Variants in ACSM3 observed in about 807,000 individuals in gnomAD.
The protein encoded by ACSM3 is acyl-CoA synthetase medium chain family member 3, also known as acyl-coenzyme A synthetase ACSM3, mitochondrial.
Under a neutral mutation model 74.1 loss-of-function variants are expected in ACSM3, and 61 were observed. That is an observed-to-expected ratio of 0.82 (90% CI 0.67 to 1.02). The LOEUF is 1.02. ACSM3 is among the 50% of genes least tolerant of loss of function. The pLI is 0.00. For synonymous variants in ACSM3, 213 were observed against 241.5 expected, an observed-to-expected ratio of 0.88 and a Z score of 1.09; for missense variants, 660 against 697.0, an observed-to-expected ratio of 0.95 and a Z score of 0.60.
rs2080584939 is a variant in ACSM3 at position 20,790,988 on chromosome 16, C to T, written c.1326+300C>T. Reference sequence around the variant, plus strand: ...TGATCCTCTCAATTATCAAACAAAACCCACTCATTTTCCTGAAATCCAGTT... The same window carrying T: ...TGATCCTCTCAATTATCAAACAAAATCCACTCATTTTCCTGAAATCCAGTT... On this transcript the variant is annotated intron_variant, in intron 10 of 13. Coordinates refer to ENST00000289416, the MANE Select transcript of ACSM3 (RefSeq NM_005622.4). The surrounding 1 kb of genome is among the most constrained non-coding windows in gnomAD (Gnocchi z 4.0). 6 of 1,561,454 alleles carry T rather than the reference C, an allele frequency of 3.8e-6. No individual in the cohort carries two copies. The South Asian group carries it at 5.7e-5, about 15-fold the overall frequency.
chr16:20,711,408 C>T lies in ACSM3; in HGVS notation c.-190+36586C>T, dbSNP rs539675044. ...CTCCTCCTCACCCAGGCACAAAGCC[C>T]AAATCTTCCACCGTCCACAGAGTCT... On this transcript the variant is annotated intron_variant, in intron 1 of 3. Transcript: ENST00000561584. 3 of 648,624 alleles carry T rather than the reference C, an allele frequency of 4.6e-6. No homozygotes were observed. The African/African-American group carries it at 5.5e-5, about 12-fold the overall frequency. The allele number at this position is 648,624 out of a possible 1,614,324, so 40.2% of individuals were successfully genotyped here. A position where few individuals can be genotyped will look rare whatever the true frequency, so the allele number is the denominator to read the frequency against.
At chr16:20,704,475 G>C (rs1418244446) in intron 1 of ACSM3, among the ~76,000 whole-genome samples, 1 of 152,182 alleles carries the variant, frequency 6.6e-6, no homozygotes, top group African/African-American at 2.4e-5. Context: ...AGAACTGAGA[G>C]AACACACAGG....
chr16:20,792,360 T>C (rs1312179792), intron 12 of ACSM3, 25 bp downstream of exon 12: 1 of 1,612,066 alleles, frequency 6.2e-7, no homozygotes, highest in Admixed American at 1.7e-5. Flanking sequence ...TCATGTCAAC[T>C]TTATAATTTG....
intron 1 of ACSM3, among the ~76,000 whole-genome samples, chr16:20,742,813 A>T (rs368408269): frequency 0.063 from 4,217 of 66,692 alleles, 112 homozygotes; most frequent in East Asian, 0.11. Context: ...ATATATATAT[A>T]TTTTTTTTTT....
chr16:20,706,104 G>GTGTA (rs1555480156), intron 1 of ACSM3, among the ~76,000 whole-genome samples: 1 of 151,536 alleles, frequency 6.6e-6, no homozygotes, highest in Non-Finnish European at 1.5e-5. Flanking sequence ...GTGTGTGTGT[G>GTGTA]TATACATAAA....
intron 1 of ACSM3, among the ~76,000 whole-genome samples, chr16:20,744,749 C>A (rs888449316): frequency 6.6e-6 from 1 of 152,154 alleles, no homozygotes; most frequent in Non-Finnish European, 1.5e-5. Flanking sequence ...ACCTTACTTC[C>A]ATTTCCTGCA....
At chr16:20,756,964 T>C (rs1293740643) in intron 3 of ACSM3, among the ~76,000 whole-genome samples, 5 of 152,034 alleles carry the variant, frequency 3.3e-5, no homozygotes, top group African/African-American at 1.2e-4. Flanking sequence ...GCGTTATTTC[T>C]GAGGGCTCTG....
rs147021973 is a variant in ACSM3, at chr16:20,787,428, A to G, written c.1224+1270A>G. On this transcript the variant is annotated intron_variant, in intron 9 of 13. Coordinates refer to ENST00000289416, the MANE Select transcript of ACSM3 (RefSeq NM_005622.4). Reference sequence around the variant, plus strand: ...AAATATGGATGAATTAACAGAGTACAGCTCTTAGATAAATGTTTCCCAAGC... The same window carrying G: ...AAATATGGATGAATTAACAGAGTACGGCTCTTAGATAAATGTTTCCCAAGC... 2.6e-4 allele frequency among the ~76,000 whole-genome samples: 40 copies of G among 152,370 alleles called. No homozygotes were observed. The East Asian group carries it at 7.5e-3, about 29-fold the overall frequency.
chr16:20,775,852 C>G lies in ACSM3; in HGVS notation c.233C>G (p.Pro78Arg). 1 of 1,614,122 alleles carries G rather than the reference C, an allele frequency of 6.2e-7. No individual in the cohort carries two copies. The change falls in exon 3 of 14, where the codon CCT becomes CGT. Residue 78 changes from proline (P) to arginine (R), a missense_variant. By Grantham distance (103) the Pro-to-Arg change is moderately radical (BLOSUM62 -2). Coordinates refer to ENST00000289416, the MANE Select transcript of ACSM3 (RefSeq NM_005622.4). ...TTCTTTCCTCAGGCTGGAAAGAAACCTTCAAATCCAGCCTTCTGGTGGATC... is the reference window on the plus strand; with the variant it reads ...TTCTTTCCTCAGGCTGGAAAGAAACGTTCAAATCCAGCCTTCTGGTGGATC... Reference protein sequence around the residue: ...WTDKEKAGKKPSNPAFWWINR... With the variant: ...WTDKEKAGKKRSNPAFWWINR...
At chr16:20,730,598 C>A (rs1178079868) in intron 1 of ACSM3, among the ~76,000 whole-genome samples, 1 of 152,090 alleles carries the variant, frequency 6.6e-6, no homozygotes, top group Non-Finnish European at 1.5e-5. Context: ...CCTCTTATAC[C>A]CCCTCCACTC....
At chr16:20,700,822 T>C (rs879301915) in intron 1 of ACSM3, among the ~76,000 whole-genome samples, 5 of 151,996 alleles carry the variant, frequency 3.3e-5, no homozygotes, top group Non-Finnish European at 7.4e-5. Context: ...GAAAAAGAGG[T>C]CAGATTTGCA....
At chr16:20,733,729 A>T (rs1377903509) in intron 1 of ACSM3, 1 of 152,084 alleles carries the variant, frequency 6.6e-6, no homozygotes, top group Non-Finnish European at 1.5e-5. Flanking sequence ...AACAAGCTCG[A>T]TTTCTGGCCG....
intron 1 of ACSM3, chr16:20,719,467 T>C (rs1016467179): frequency 1.9e-5 from 4 of 210,730 alleles, no homozygotes; most frequent in South Asian, 9.4e-5. Flanking sequence ...TACCTCAGAA[T>C]ACCAGGCTTC....
At chr16:20,719,368 T>C (rs7185611) in intron 1 of ACSM3, 12,406 of 246,976 alleles carry the variant, frequency 0.05, 1,251 homozygotes, top group African/African-American at 0.14. Context: ...CAGTTTGACA[T>C]TGACACCTTC....
At chr16:20,789,138 G>A (rs1325419311) in intron 9 of ACSM3, among the ~76,000 whole-genome samples, 1 of 152,124 alleles carries the variant, frequency 6.6e-6, no homozygotes, top group Non-Finnish European at 1.5e-5. Context: ...ATGCTAATCT[G>A]ATTTTTTTAA....
At chr16:20,675,169 G>C (rs2020196162) in intron 1 of ACSM3, among the ~76,000 whole-genome samples, 1 of 152,126 alleles carries the variant, frequency 6.6e-6, no homozygotes, top group Non-Finnish European at 1.5e-5. Context: ...AGTGGTGTGT[G>C]TATGTGTGTG....
intron 1 of ACSM3, chr16:20,682,565 A>G (rs970727999): frequency 1.3e-5 from 11 of 860,990 alleles, no homozygotes; most frequent in Non-Finnish European, 1.9e-6. Context: ...CTTGTTATGT[A>G]AAGTACAGGC....
intron 1 of ACSM3, among the ~76,000 whole-genome samples, chr16:20,682,653 A>C (rs2079471370): frequency 6.6e-6 from 1 of 152,216 alleles, no homozygotes; most frequent in African/African-American, 2.4e-5. Context: ...CAGAATCTGC[A>C]TCTTAACAAG....
intron 1 of ACSM3, among the ~76,000 whole-genome samples, chr16:20,690,132 A>G (rs1481718122): frequency 3.3e-5 from 5 of 152,226 alleles, no homozygotes; most frequent in Admixed American, 3.3e-4. Flanking sequence ...AAGATGCCAT[A>G]AAGGCATGTA....
Sources: allele counts gnomAD v4.1 joint callset (sites outside exome capture counted in the v4.1 genomes callset), GRCh38; gene constraint gnomAD v4.1.1; non-coding constraint Gnocchi (gnomAD v3.1); transcripts MANE v1.5; gene names NCBI Gene and HGNC (gene_info 2026-07-23, HGNC 2026-07-21).